MIER3: variants seen among roughly 807,000 people sequenced by gnomAD.
MIER3 encodes the protein mesoderm induction early response protein 3.
In MIER3, 9 loss-of-function variants were observed where a neutral mutation model predicts 63.2. The ratio of observed to expected loss-of-function variants is 0.14; its 90% CI spans 0.09 to 0.25. The LOEUF (loss-of-function observed/expected upper bound fraction) is 0.25, where lower values mean the gene tolerates loss of function less well. Ranked by LOEUF, MIER3 falls within the 10% of genes least tolerant of loss-of-function variation. The probability of loss-of-function intolerance (pLI) is 1.00; values close to 1 mark genes in which losing one functional copy is unlikely to be tolerated. For synonymous variants in MIER3, 205 were observed against 224.9 expected (o/e 0.91, Z 0.79); for missense variants, 512 against 666.2 (o/e 0.77, Z 2.55).
chr5:56,923,545 A>T lies in MIER3; in HGVS notation c.1236T>A (p.Asp412Glu). The T allele has an allele frequency of 6.2e-7, 1 of 1,614,066 alleles. No homozygotes were observed. Among genetic ancestry groups the T allele is most frequent in the Non-Finnish European group, 8.5e-7 (1 of 1,179,956 alleles). Residue 412 changes from aspartate to glutamate, a missense_variant, in exon 13 of 13, where the codon GAT becomes GAA. Physicochemically the swap from Asp to Glu is conservative, Grantham distance 45. Coordinates refer to ENST00000381199, the MANE Select transcript of MIER3 (RefSeq NM_001297599.2). ...NSVATVCDPT[D>E]VNCLDDSFPP... The stretch of plus-strand genomic sequence containing the variant: ...GAAAGCTATCATCCAAACAATTCAC[A>T]TCTGTGGGGTCGCAGACGGTTGCTA...
chr5:56,943,335 T>A (rs1031200), intron 3 of MIER3, among the ~76,000 whole-genome samples: 14,320 of 146,244 alleles, frequency 0.098, 1,009 homozygotes, highest in East Asian at 0.35. Context: ...TGTGGAAATT[T>A]AAAAAAAAAA....
chr5:56,947,227 C>A, intron 2 of MIER3, 156 bp from the exon 3 acceptor site: 1 of 698,306 alleles, frequency 1.4e-6, no homozygotes, highest in South Asian at 2.7e-5. Flanking sequence ...AATTAAGACC[C>A]CATGATTCTG....
At chr5:56,929,541 G>C (rs1024550469) in intron 9 of MIER3, 1 of 151,876 alleles carries the variant, frequency 6.6e-6, no homozygotes. Context: ...CTCCAGCCTG[G>C]GAGACAGAGT....
At chr5:56,933,953 GGA>G (rs35077820) in intron 7 of MIER3, among the ~76,000 whole-genome samples, 74,528 of 151,494 alleles carry the variant, frequency 0.49, 20,823 homozygotes, top group Non-Finnish European at 0.64. Flanking sequence ...TTGGGAAGAG[GGA>G]GAAACAGTAA....
At chr5:56,927,199 A>G (rs1365628080) in intron 10 of MIER3, among the ~76,000 whole-genome samples, 1 of 152,206 alleles carries the variant, frequency 6.6e-6, no homozygotes, top group Non-Finnish European at 1.5e-5. Context: ...GCCAAAATCA[A>G]TGGAATGTAC....
At chr5:56,925,692 C>A (rs570591765) in intron 10 of MIER3, among the ~76,000 whole-genome samples, 1 of 152,102 alleles carries the variant, frequency 6.6e-6, no homozygotes, top group Non-Finnish European at 1.5e-5. Flanking sequence ...CTTGATCTAC[C>A]GATTTAGCAC....
chr5:56,929,898 G>A (rs183311499), intron 9 of MIER3, among the ~76,000 whole-genome samples: 70 of 152,236 alleles, frequency 4.6e-4, no homozygotes, highest in Middle Eastern at 3.4e-3. Context: ...ATAGCAGTCC[G>A]TAATAAAGGT....
At chr5:56,951,390 C>T (rs1751023017) in intron 1 of MIER3, among the ~76,000 whole-genome samples, 1 of 152,080 alleles carries the variant, frequency 6.6e-6, no homozygotes, top group South Asian at 2.1e-4. Flanking sequence ...CAGCTTCGCT[C>T]GCCCAGCCTT....
chr5:56,945,824 C>T (rs1750806730), intron 3 of MIER3, among the ~76,000 whole-genome samples: 1 of 152,078 alleles, frequency 6.6e-6, no homozygotes, highest in Admixed American at 6.5e-5. Flanking sequence ...AATCCCTATT[C>T]CACTAAAAAA....
At chr5:56,935,851 C>A in intron 5 of MIER3, 100 bp from the exon 6 acceptor site, 1 of 847,174 alleles carries the variant, frequency 1.2e-6, no homozygotes, top group South Asian at 1.6e-5. Context: ...TATGTGAGAT[C>A]AGCATAAGTA....
intron 4 of MIER3, chr5:56,938,455 C>T (rs766913127): frequency 1.1e-5 from 5 of 451,372 alleles, no homozygotes; most frequent in Admixed American, 2.5e-5. Flanking sequence ...TGGATCACCG[C>T]GGTCTTGGCT....
At chr5:56,934,100 T>C (rs1294371280) in intron 7 of MIER3, among the ~76,000 whole-genome samples, 3 of 152,274 alleles carry the variant, frequency 2.0e-5, no homozygotes, top group African/African-American at 7.2e-5. Context: ...TAAAGTAATA[T>C]GAATGGCCCA....
chr5:56,949,351 C>T (rs6880095), intron 2 of MIER3, among the ~76,000 whole-genome samples: 8,414 of 151,696 alleles, frequency 0.055, 792 homozygotes, highest in African/African-American at 0.19. Flanking sequence ...AACAAACAAA[C>T]AAAAAACAAA....
rs145462691 is a variant in MIER3, at chr5:56,934,172, T to C, written c.596-774A>G. Reference sequence around the variant, plus strand: ...TCAAGTGCATAATAAATACTGACTATAGCTAATAAAAATAATTTACCGAGA... The same window carrying C: ...TCAAGTGCATAATAAATACTGACTACAGCTAATAAAAATAATTTACCGAGA... On this transcript the variant is annotated intron_variant, in intron 7 of 12. Coordinates refer to ENST00000381199, the MANE Select transcript of MIER3 (RefSeq NM_001297599.2). Among the ~76,000 whole-genome samples the C allele has an allele frequency of 1.6e-4, 24 of 152,222 alleles. No homozygotes were observed. In the East Asian group the frequency reaches 3.9e-3, roughly 24 times the overall value.
In MIER3 at chr5:56,947,007, A is replaced by G. The variant is rs1187875403; in HGVS notation, c.99T>C (p.Tyr33=). 1.9e-6 allele frequency: 3 copies of G among 1,610,148 alleles called. No individual in the cohort carries two copies. Among genetic ancestry groups the G allele is most frequent in the Non-Finnish European group, 1.7e-6 (2 of 1,178,814 alleles). Residue 33 remains tyrosine (Y), a synonymous_variant, in exon 3 of 13, where the codon TAT becomes TAC. Coordinates refer to ENST00000381199, the MANE Select transcript of MIER3 (RefSeq NM_001297599.2). The part of the protein sequence containing the change: ...DPTAEMLVHD[Y]DDERTLEEEE... ...CTTCTTCAAGAGTTCTTTCATCATC[A>G]TAGTCATGGACCAACATCTCAGCAG... is the stretch of plus-strand genomic sequence containing the variant.
intron 5 of MIER3, among the ~76,000 whole-genome samples, 169 bp from the exon 6 acceptor site, chr5:56,935,920 T>C (rs1750427385): frequency 1.3e-5 from 2 of 152,146 alleles, no homozygotes; most frequent in Admixed American, 1.3e-4. Flanking sequence ...ACACTGAAAA[T>C]CCTAATAAAG....
At position 56,945,519 on chromosome 5, in the gene MIER3, T is replaced by C. The variant is rs376449901; in HGVS notation, c.180+1407A>G. ...TCTATTAAAAGCTCTCAGATGGCAG[T>C]AATATGCATACATTAAAATATATAA... is the stretch of plus-strand genomic sequence containing the variant. On this transcript the variant is annotated intron_variant, in intron 3 of 12. Transcript: ENST00000381199. Among the ~76,000 whole-genome samples the C allele has an allele frequency of 5.9e-5, 9 of 152,318 alleles. No individual in the cohort carries two copies. The East Asian group carries it at 1.2e-3, about 20-fold the overall frequency.
At chr5:56,950,245 G>A (rs1750971535) in intron 2 of MIER3, among the ~76,000 whole-genome samples, 1 of 152,166 alleles carries the variant, frequency 6.6e-6, no homozygotes. Flanking sequence ...TAGTGAAGTA[G>A]TCCCAGAGTT....
chr5:56,951,340 C>A (rs1283380522), intron 1 of MIER3, among the ~76,000 whole-genome samples: 1 of 152,094 alleles, frequency 6.6e-6, no homozygotes, highest in African/African-American at 2.4e-5. Flanking sequence ...CACACCGCCC[C>A]CTCCCCCCAG....
Sources: gnomAD v4.1 joint callset for allele counts (sites outside exome capture counted in the v4.1 genomes callset) on GRCh38, gnomAD v4.1.1 for gene constraint, MANE v1.5 for transcripts, NCBI Gene and HGNC (gene_info 2026-07-23, HGNC 2026-07-21) for gene names.